ITFG1: variants seen among roughly 807,000 people sequenced by gnomAD.
ITFG1 encodes the protein T-cell immunomodulatory protein.
A neutral mutation model predicts 81.8 loss-of-function variants in ITFG1; 34 were observed. That is an observed-to-expected ratio of 0.42 (90% CI 0.32 to 0.55). The LOEUF (loss-of-function observed/expected upper bound fraction) is 0.55. Among genes scored for constraint, ITFG1 ranks in the 20% least tolerant of loss-of-function variants. The probability of loss-of-function intolerance (pLI) is 0.17; values close to 1 mark genes in which losing one functional copy is unlikely to be tolerated. For missense variants in ITFG1, 672 were observed against 755.4 expected (o/e 0.89, Z 1.29); for synonymous variants, 285 against 270.6 (o/e 1.05, Z -0.52).
At chr16:47,213,515 T>C (rs539970382) in intron 14 of ITFG1, among the ~76,000 whole-genome samples, 10 of 152,320 alleles carry the variant, frequency 6.6e-5, no homozygotes, top group African/African-American at 2.2e-4. Flanking sequence ...TCTCCAACTA[T>C]AAATGTAGAT....
intron 8 of ITFG1, among the ~76,000 whole-genome samples, chr16:47,350,759 A>C (rs1379761170): frequency 2.6e-5 from 4 of 152,140 alleles, no homozygotes; most frequent in Non-Finnish European, 5.9e-5. Flanking sequence ...GAGCCACAAC[A>C]AAAAAAGATA....
intron 10 of ITFG1, among the ~76,000 whole-genome samples, chr16:47,288,186 G>A (rs1163172070): frequency 6.6e-6 from 1 of 152,162 alleles, no homozygotes; most frequent in Non-Finnish European, 1.5e-5. Flanking sequence ...CCACATGAAT[G>A]AGAATGTGGT....
chr16:47,181,368 C>G (rs868857264), intron 14 of ITFG1, among the ~76,000 whole-genome samples: 3 of 150,536 alleles, frequency 2.0e-5, no homozygotes, highest in Admixed American at 6.6e-5. Context: ...GTCAGCCCCC[C>G]GCCCGGCCAG....
intron 5 of ITFG1, chr16:47,449,836 T>C (rs931385055): frequency 1.3e-5 from 2 of 152,106 alleles, no homozygotes; most frequent in Non-Finnish European, 2.9e-5. Context: ...TTCTAAATAG[T>C]TTTCTCGCAG....
chr16:47,230,359 C>T (rs547020128), intron 13 of ITFG1, among the ~76,000 whole-genome samples: 1 of 152,210 alleles, frequency 6.6e-6, no homozygotes, highest in African/African-American at 2.4e-5. Context: ...GGCATAAGCT[C>T]AAAGGCTAGA....
intron 6 of ITFG1, among the ~76,000 whole-genome samples, chr16:47,427,377 C>T (rs575309622): frequency 6.6e-6 from 1 of 152,286 alleles, no homozygotes; most frequent in East Asian, 1.9e-4. Flanking sequence ...GATTCTGTGG[C>T]TGGGCGCAGT....
At chr16:47,388,695 A>G (rs1968493167) in intron 6 of ITFG1, among the ~76,000 whole-genome samples, 1 of 152,220 alleles carries the variant, frequency 6.6e-6, no homozygotes, top group Non-Finnish European at 1.5e-5. Flanking sequence ...CACCTTGAAG[A>G]AGGAATTAAT....
intron 10 of ITFG1, among the ~76,000 whole-genome samples, chr16:47,300,350 G>T (rs911826609): frequency 3.9e-5 from 6 of 152,192 alleles, no homozygotes; most frequent in African/African-American, 1.4e-4. Flanking sequence ...TGCTTGAAAT[G>T]CTTCTAGTCA....
At chr16:47,324,244 T>C (rs867492501) in intron 8 of ITFG1, among the ~76,000 whole-genome samples, 1 of 151,830 alleles carries the variant, frequency 6.6e-6, no homozygotes, top group Non-Finnish European at 1.5e-5. Flanking sequence ...CTAAGCTTCA[T>C]AAGTGAAGGA....
At chr16:47,430,090 C>T (rs947520483) in intron 5 of ITFG1, among the ~76,000 whole-genome samples, 2 of 147,394 alleles carry the variant, frequency 1.4e-5, no homozygotes, top group East Asian at 2.0e-4. Flanking sequence ...CAGAGTCTCG[C>T]TCTGTCACCC....
intron 8 of ITFG1, among the ~76,000 whole-genome samples, chr16:47,358,761 T>C (rs1320058368): frequency 6.6e-6 from 1 of 152,238 alleles, no homozygotes; most frequent in African/African-American, 2.4e-5. Flanking sequence ...GTATTTTTCA[T>C]TTAATTAAAT....
intron 6 of ITFG1, among the ~76,000 whole-genome samples, chr16:47,388,777 A>T (rs182563048): frequency 5.3e-5 from 8 of 152,210 alleles, no homozygotes; most frequent in Non-Finnish European, 1.0e-4. Flanking sequence ...GCAAAGTGTG[A>T]CCCCGTCTTA....
intron 13 of ITFG1, among the ~76,000 whole-genome samples, chr16:47,234,629 C>A (rs986277156): frequency 6.6e-6 from 1 of 151,806 alleles, no homozygotes; most frequent in Admixed American, 6.6e-5. Context: ...CGCAAAAAAT[C>A]AAAAACGAAG....
At chr16:47,182,236 A>G (rs1203320824) in intron 14 of ITFG1, among the ~76,000 whole-genome samples, 1 of 152,132 alleles carries the variant, frequency 6.6e-6, no homozygotes, top group Non-Finnish European at 1.5e-5. Context: ...GTAGGGGAAT[A>G]AAATGGGCAA....
chr16:47,257,217 T>C (rs1966149721), intron 12 of ITFG1, among the ~76,000 whole-genome samples: 1 of 152,178 alleles, frequency 6.6e-6, no homozygotes, highest in South Asian at 2.1e-4. Context: ...GAAGACGAAG[T>C]TGTCTATGTA....
chr16:47,337,699 G>A (rs1967725701), intron 8 of ITFG1, among the ~76,000 whole-genome samples: 1 of 152,330 alleles, frequency 6.6e-6, no homozygotes, highest in South Asian at 2.1e-4. Context: ...TCGCAATTGC[G>A]ACAGAAGGTA....
chr16:47,185,153 GA>G (rs1965193806), intron 14 of ITFG1, among the ~76,000 whole-genome samples: 1 of 151,978 alleles, frequency 6.6e-6, no homozygotes, highest in African/African-American at 2.4e-5. Flanking sequence ...CCTACAAAGA[GA>G]CTTAGACTCC....
intron 2 of ITFG1, among the ~76,000 whole-genome samples, chr16:47,457,320 A>G (rs1204158538): frequency 2.0e-5 from 3 of 152,024 alleles, no homozygotes; most frequent in African/African-American, 4.8e-5. Flanking sequence ...CAAGAAAAAA[A>G]AAAAAAGAAA....
At chr16:47,211,933 T>C (rs577940280) in intron 14 of ITFG1, among the ~76,000 whole-genome samples, 3 of 152,132 alleles carry the variant, frequency 2.0e-5, no homozygotes, top group Non-Finnish European at 4.4e-5. Context: ...TTCTTTCTTT[T>C]TTTTTTTGGT....
Sources: gnomAD v4.1 joint callset for allele counts (sites outside exome capture counted in the v4.1 genomes callset) on GRCh38, gnomAD v4.1.1 for gene constraint, MANE v1.5 for transcripts, NCBI Gene and HGNC (gene_info 2026-07-23, HGNC 2026-07-21) for gene names.